KCNMB2: variants seen among roughly 807,000 people sequenced by gnomAD.
The protein encoded by KCNMB2 is potassium calcium-activated channel subfamily M regulatory beta subunit 2.
Under a neutral mutation model 24.5 loss-of-function variants are expected in KCNMB2, and 9 were observed. The observed-to-expected ratio is 0.37, with a 90% CI of 0.22 to 0.64. The LOEUF is 0.64. KCNMB2 is among the 30% of genes least tolerant of loss of function. The probability of loss-of-function intolerance (pLI) is 0.63; values close to 1 mark genes in which losing one functional copy is unlikely to be tolerated. For synonymous variants in KCNMB2, 109 were observed against 104.4 expected (o/e 1.04, Z -0.27); for missense variants, 226 against 284.3 (o/e 0.79, Z 1.47).
At chr3:178,668,947 C>T (rs1720809723) in intron 1 of KCNMB2, among the ~76,000 whole-genome samples, 2 of 152,242 alleles carry the variant, frequency 1.3e-5, no homozygotes, top group East Asian at 1.9e-4. Context: ...ATGAAGCTCT[C>T]ATCTCTAGAG....
intron 1 of KCNMB2, among the ~76,000 whole-genome samples, chr3:178,565,550 A>G (rs1716487205): frequency 6.6e-6 from 1 of 152,228 alleles, no homozygotes; most frequent in Admixed American, 6.5e-5. Context: ...ATGTATCTCT[A>G]GATATGAAGA....
chr3:178,645,266 T>A (rs754388910), intron 1 of KCNMB2, among the ~76,000 whole-genome samples: 6 of 152,014 alleles, frequency 3.9e-5, no homozygotes, highest in Non-Finnish European at 8.8e-5. Flanking sequence ...GTCAGGTTGG[T>A]CTCGAACTCC....
intron 1 of KCNMB2, among the ~76,000 whole-genome samples, chr3:178,665,511 C>G (rs1720687171): frequency 6.6e-6 from 1 of 152,020 alleles, no homozygotes; most frequent in Non-Finnish European, 1.5e-5. Flanking sequence ...GTTTCAAAAC[C>G]ACATATATTT....
intron 1 of KCNMB2, among the ~76,000 whole-genome samples, chr3:178,780,770 G>A (rs142447923): frequency 2.0e-5 from 3 of 152,222 alleles, no homozygotes; most frequent in African/African-American, 4.8e-5. Flanking sequence ...TCATAAAATA[G>A]GATAGTAATA....
chr3:178,677,237 T>C (rs970452424), intron 1 of KCNMB2, among the ~76,000 whole-genome samples: 1 of 152,198 alleles, frequency 6.6e-6, no homozygotes, highest in Admixed American at 6.5e-5. Context: ...ACAGAGGGCT[T>C]CCTGACTCAG....
At chr3:178,629,894 G>A (rs921793164) in intron 1 of KCNMB2, among the ~76,000 whole-genome samples, 12 of 152,154 alleles carry the variant, frequency 7.9e-5, no homozygotes, top group African/African-American at 2.7e-4. Flanking sequence ...CATTTCTGCA[G>A]TACAAACTAC....
rs936943404 is a variant in KCNMB2, at chr3:178,844,211, T to C, written c.*1274T>C. ...AGAAGACAAACATCTATCTTTCTCA[T>C]CTATATTTAAGTACCTTTTTGTAAT... is the stretch of plus-strand genomic sequence containing the variant. On this transcript the variant is annotated 3_prime_UTR_variant, in exon 5 of 5. Transcript: ENST00000452583. 6.6e-6 allele frequency: 1 copy of C among 152,572 alleles called. No individual in the cohort carries two copies. Among genetic ancestry groups the C allele is most frequent in the African/African-American group, 2.4e-5 (1 of 41,462 alleles). 9.5% of individuals were successfully genotyped at this position (152,572 alleles called of 1,614,324 possible).
intron 1 of KCNMB2, among the ~76,000 whole-genome samples, chr3:178,757,787 C>T (rs866320996): frequency 1.3e-5 from 1 of 76,338 alleles, no homozygotes; most frequent in African/African-American, 5.8e-5. Flanking sequence ...GATATATATA[C>T]ATATATCTTA....
chr3:178,604,012 C>T (rs1718188476), intron 1 of KCNMB2, among the ~76,000 whole-genome samples: 1 of 152,130 alleles, frequency 6.6e-6, no homozygotes, highest in African/African-American at 2.4e-5. Flanking sequence ...TTCCCAGAGA[C>T]ACAGCAGGCT....
intron 1 of KCNMB2, among the ~76,000 whole-genome samples, chr3:178,573,865 T>A (rs1716897831): frequency 6.6e-6 from 1 of 151,834 alleles, no homozygotes; most frequent in African/African-American, 2.4e-5. Context: ...TAGAAAAATG[T>A]AAGGCATTCA....
chr3:178,609,026 G>A (rs545115035), intron 1 of KCNMB2, among the ~76,000 whole-genome samples: 65 of 152,194 alleles, frequency 4.3e-4, no homozygotes, highest in African/African-American at 1.3e-3. Flanking sequence ...TTGCTGGATC[G>A]TATGGCAGCT....
At chr3:178,766,178 T>C (rs1712111494) in intron 1 of KCNMB2, among the ~76,000 whole-genome samples, 1 of 152,112 alleles carries the variant, frequency 6.6e-6, no homozygotes, top group African/African-American at 2.4e-5. Flanking sequence ...CTCTTCCATA[T>C]TCTTATCACA....
At chr3:178,547,845 T>A (rs1411086949) in intron 1 of KCNMB2, among the ~76,000 whole-genome samples, 6 of 152,254 alleles carry the variant, frequency 3.9e-5, no homozygotes, top group Non-Finnish European at 8.8e-5. Flanking sequence ...TCCCTGTGGC[T>A]GTCATCTTTA....
Position 178,807,473 on chromosome 3 carries a change from C to A in KCNMB2, c.56+8C>A. 1 of 1,612,022 alleles carries A rather than the reference C, an allele frequency of 6.2e-7. No homozygotes were observed. The highest frequency in any genetic ancestry group is 2.2e-5 in the East Asian group (1 of 44,862). On this transcript the variant is annotated splice_region_variant and intron_variant, in intron 2 of 4. Coordinates refer to ENST00000452583, the MANE Select transcript of KCNMB2 (RefSeq NM_181361.3). The stretch of plus-strand genomic sequence containing the variant: ...TAGACATGATGAAAAAAGGTAAATG[C>A]ACTGGGATTCTGGGCACTTTTCAGA...
At chr3:178,708,551 A>G (rs189118847) in intron 1 of KCNMB2, among the ~76,000 whole-genome samples, 2 of 152,238 alleles carry the variant, frequency 1.3e-5, no homozygotes, top group East Asian at 3.9e-4. Flanking sequence ...CCATGAAGTT[A>G]TAGAAACCTC....
intron 2 of KCNMB2, among the ~76,000 whole-genome samples, chr3:178,818,496 C>T (rs1714495240): frequency 6.6e-6 from 1 of 152,152 alleles, no homozygotes; most frequent in Non-Finnish European, 1.5e-5. Flanking sequence ...CATTGCTCAG[C>T]TCCCACTTAT....
Position 178,672,654 on chromosome 3 carries a change from A to T in KCNMB2, c.-67-134689A>T, listed in dbSNP as rs190506077. 7.2e-5 allele frequency among the ~76,000 whole-genome samples: 11 copies of T among 152,356 alleles called. No individual in the cohort carries two copies. The East Asian group carries it at 2.1e-3, about 29-fold the overall frequency. ...ACTGACTTCGTGACTTCATACACCCACAGAGAAATGTGCCCATGAACATTT... is the reference window on the plus strand; with the variant it reads ...ACTGACTTCGTGACTTCATACACCCTCAGAGAAATGTGCCCATGAACATTT... On this transcript the variant is annotated intron_variant, in intron 1 of 4. Transcript: ENST00000452583.
chr3:178,721,157 T>A (rs957254800), intron 1 of KCNMB2, among the ~76,000 whole-genome samples: 1 of 152,160 alleles, frequency 6.6e-6, no homozygotes, highest in African/African-American at 2.4e-5. Context: ...TTGTATAAGG[T>A]GTAAGGAAGG....
At chr3:178,642,763 T>A (rs150553400) in intron 1 of KCNMB2, among the ~76,000 whole-genome samples, 1 of 152,358 alleles carries the variant, frequency 6.6e-6, no homozygotes, top group East Asian at 1.9e-4. Context: ...TTTGGCCTGA[T>A]CATGGCAGCA....
Sources: gnomAD v4.1 joint callset for allele counts (sites outside exome capture counted in the v4.1 genomes callset) on GRCh38, gnomAD v4.1.1 for gene constraint, MANE v1.5 for transcripts, NCBI Gene and HGNC (gene_info 2026-07-23, HGNC 2026-07-21) for gene names.